SYCP1: variants seen among roughly 807,000 people sequenced by gnomAD.
The protein encoded by SYCP1 is synaptonemal complex protein 1.
A neutral mutation model predicts 153.1 loss-of-function variants in SYCP1; 64 were observed. The observed-to-expected ratio is 0.42, with a 90% CI of 0.34 to 0.51. The LOEUF (loss-of-function observed/expected upper bound fraction) is 0.51, where lower values mean the gene tolerates loss of function less well. Ranked by LOEUF, SYCP1 falls within the 20% of genes least tolerant of loss-of-function variation. The pLI, the probability that SYCP1 is intolerant of heterozygous loss-of-function variation, is 0.06. For synonymous variants in SYCP1, 384 were observed against 341.8 expected (o/e 1.12, Z -1.36); for missense variants, 997 against 1,049.0 (o/e 0.95, Z 0.68).
Position 114,910,430 on chromosome 1 carries a change from C to G in SYCP1, c.1354C>G (p.Gln452Glu). 1.9e-6 allele frequency: 3 copies of G among 1,603,108 alleles called. No homozygotes were observed. The highest frequency in any genetic ancestry group is 2.6e-6 in the Non-Finnish European group (3 of 1,175,184). ...EKETLLYENK[Q>E]FEKIAEELKG... ...GGAAACACTTTTATATGAAAATAAACAATTTGAGAAGATTGCTGAAGAATT... is the reference window on the plus strand; with the variant it reads ...GGAAACACTTTTATATGAAAATAAAGAATTTGAGAAGATTGCTGAAGAATT... The change falls in exon 17 of 32, where the codon CAA (glutamine) becomes GAA (glutamate). Residue 452 changes from glutamine (Q) to glutamate (E), a missense_variant. Physicochemically the swap from Gln to Glu is conservative, Grantham distance 29 (BLOSUM62 2). Around this residue, in one of 2 missense-constraint regions of SYCP1, gnomAD observed 712 missense variants for 682.9 expected, o/e 1.04. Coordinates refer to ENST00000369522, the MANE Select transcript of SYCP1 (RefSeq NM_003176.4).
intron 27 of SYCP1, among the ~76,000 whole-genome samples, chr1:114,951,670 C>T (rs535390668): frequency 5.7e-4 from 86 of 152,172 alleles, no homozygotes; most frequent in Non-Finnish European, 9.4e-4. Context: ...TATTAAGTTT[C>T]CCCCCATGGT....
At chr1:114,930,000 A>T (rs1669521707) in intron 23 of SYCP1, among the ~76,000 whole-genome samples, 1 of 151,988 alleles carries the variant, frequency 6.6e-6, no homozygotes, top group Non-Finnish European at 1.5e-5. Context: ...ATGTTCTCTC[A>T]CTCCAGTAGA....
intron 27 of SYCP1, among the ~76,000 whole-genome samples, chr1:114,971,135 T>A (rs1156843355): frequency 4.6e-5 from 7 of 152,146 alleles, no homozygotes; most frequent in Admixed American, 4.6e-4. Context: ...GTATTCAGGT[T>A]TCTCAGGTAA....
Position 114,926,569 on chromosome 1 carries a change from T to A in SYCP1, c.1926+6T>A. Reference sequence around the variant, plus strand: ...TGAATGTTTATGAGATAAAGGTATTTGGCATCTTTATTTTTGTTTTTTAAA... The same window carrying A: ...TGAATGTTTATGAGATAAAGGTATTAGGCATCTTTATTTTTGTTTTTTAAA... On this transcript the variant is annotated splice_donor_region_variant and intron_variant, in intron 23 of 31. Transcript: ENST00000369522. The A allele has an allele frequency of 1.3e-6, 2 of 1,587,616 alleles. No homozygotes were observed. Among genetic ancestry groups the A allele is most frequent in the Non-Finnish European group, 1.7e-6 (2 of 1,168,336 alleles).
intron 23 of SYCP1, among the ~76,000 whole-genome samples, chr1:114,937,627 A>G (rs917273863): frequency 6.6e-6 from 1 of 152,302 alleles, no homozygotes; most frequent in African/African-American, 2.4e-5. Context: ...AATGGGAGAA[A>G]ATTTTTACAA....
At chr1:114,964,125 T>C (rs1207893998) in intron 27 of SYCP1, among the ~76,000 whole-genome samples, 1 of 152,254 alleles carries the variant, frequency 6.6e-6, no homozygotes, top group Non-Finnish European at 1.5e-5. Flanking sequence ...TAATGATCAG[T>C]GATGATGAGC....
chr1:114,874,596 CAT>C, intron 9 of SYCP1, 32 bp downstream of exon 9: 1 of 1,426,328 alleles, frequency 7.0e-7, no homozygotes, highest in South Asian at 1.3e-5. Context: ...GTATTTTAAA[CAT>C]AGGAATTTCT....
chr1:114,937,295 A>T (rs1670080109), intron 23 of SYCP1, among the ~76,000 whole-genome samples: 3 of 152,208 alleles, frequency 2.0e-5, no homozygotes, highest in African/African-American at 7.2e-5. Context: ...GAAATGGGGA[A>T]AGGATTCCCT....
At chr1:114,948,284 T>C (rs1225936022) in intron 27 of SYCP1, among the ~76,000 whole-genome samples, 2 of 152,184 alleles carry the variant, frequency 1.3e-5, no homozygotes, top group African/African-American at 2.4e-5. Context: ...CTACTTACAT[T>C]TAATTTAATC....
rs200133630 is a variant in SYCP1, at chr1:114,887,715, G to T, written c.1258+22G>T. On this transcript the variant is annotated intron_variant, in intron 15 of 31. Transcript: ENST00000369522. Reference sequence around the variant, plus strand: ...CTGGGTAAGACTTAGAGAATAATGTGTGTACTTTAATAATATTAACTTATT... The same window carrying T: ...CTGGGTAAGACTTAGAGAATAATGTTTGTACTTTAATAATATTAACTTATT... The T allele has an allele frequency of 7.0e-5, 98 of 1,408,880 alleles. No individual in the cohort carries two copies. In the East Asian group the frequency reaches 2.2e-3, roughly 32 times the overall value. The allele number at this position is 1,408,880 out of a possible 1,614,324, so 87.3% of individuals were successfully genotyped here.
intron 27 of SYCP1, among the ~76,000 whole-genome samples, chr1:114,959,299 T>G (rs1384627049): frequency 1.3e-5 from 2 of 152,220 alleles, no homozygotes; most frequent in Non-Finnish European, 2.9e-5. Context: ...AACTTTACAT[T>G]CTTGGCAGAA....
intron 8 of SYCP1, among the ~76,000 whole-genome samples, chr1:114,871,961 C>T (rs1420228890): frequency 6.6e-6 from 1 of 151,466 alleles, no homozygotes; most frequent in African/African-American, 2.4e-5. Context: ...AGTTATTTAG[C>T]CTTCACTTAT....
chr1:114,864,881 AC>A (rs1664630667), intron 8 of SYCP1, among the ~76,000 whole-genome samples: 1 of 152,086 alleles, frequency 6.6e-6, no homozygotes, highest in East Asian at 1.9e-4. Context: ...TTATTATTAT[AC>A]TTTAAGTTTT....
intron 30 of SYCP1, among the ~76,000 whole-genome samples, chr1:114,988,935 A>G (rs1286241852): frequency 6.6e-6 from 1 of 152,002 alleles, no homozygotes; most frequent in Non-Finnish European, 1.5e-5. Flanking sequence ...TAAACCCAGC[A>G]TTTTGGGAGG....
Position 114,926,264 on chromosome 1 carries a change from T to C in SYCP1, c.1801-14T>C. On this transcript the variant is annotated splice_polypyrimidine_tract_variant and intron_variant, in intron 21 of 31. Transcript: ENST00000369522. Reference sequence around the variant, plus strand: ...TACTGAATAAAATAGCTATAATTTCTCACAATTTTTTAGTGTAACAATTTA... The same window carrying C: ...TACTGAATAAAATAGCTATAATTTCCCACAATTTTTTAGTGTAACAATTTA... 6.7e-7 allele frequency: 1 copy of C among 1,489,616 alleles called. No homozygotes were observed. Among genetic ancestry groups the C allele is most frequent in the South Asian group, 1.4e-5 (1 of 72,154 alleles). 92.3% of individuals were successfully genotyped at this position (1,489,616 alleles called of 1,614,324 possible). A position where few individuals can be genotyped will look rare whatever the true frequency, so the allele number is the denominator to read the frequency against.
Position 114,863,961 on chromosome 1 carries a change from C to T in SYCP1, c.598+3152C>T, listed in dbSNP as rs189885939. 1.5e-3 allele frequency among the ~76,000 whole-genome samples: 148 copies of T among 97,034 alleles called. 2 individuals carry two copies. Among genetic ancestry groups the T allele is most frequent in the African/African-American group, 5.8e-3 (143 of 24,868 alleles). 63.7% of individuals were successfully genotyped at this position (97,034 alleles called of 152,430 possible). ...CACAGGGAGGGGAACATCACACACC[C>T]GGGCCTGTTGGGGGGTGGGGGGCAG... is the stretch of plus-strand genomic sequence containing the variant. On this transcript the variant is annotated intron_variant, in intron 8 of 31. Transcript: ENST00000369522.
At chr1:114,987,930 A>C (rs1181906442) in intron 30 of SYCP1, among the ~76,000 whole-genome samples, 1 of 151,770 alleles carries the variant, frequency 6.6e-6, no homozygotes, top group East Asian at 1.9e-4. Context: ...AGAAATTATA[A>C]AAAGAACCAG....
upstream of SYCP1, among the ~76,000 whole-genome samples, chr1:114,854,313 T>A (rs1663793687): frequency 6.6e-6 from 1 of 152,104 alleles, no homozygotes. Context: ...CCGGCTATTT[T>A]AGGAGAGGCA....
intron 27 of SYCP1, among the ~76,000 whole-genome samples, chr1:114,950,769 A>C (rs1417377584): frequency 6.6e-6 from 1 of 152,086 alleles, no homozygotes; most frequent in Non-Finnish European, 1.5e-5. Flanking sequence ...TATCTAGCTA[A>C]TGATGAATGC....
Sources: gnomAD v4.1 joint callset for allele counts (sites outside exome capture counted in the v4.1 genomes callset) on GRCh38, gnomAD v4.1.1 for gene constraint, gnomAD v4.1.1 regional missense constraint, MANE v1.5 for transcripts, NCBI Gene and HGNC (gene_info 2026-07-23, HGNC 2026-07-21) for gene names.